Variants in CCND3 observed in about 807,000 individuals in gnomAD.
The protein encoded by CCND3 is cyclin D3.
Under a neutral mutation model 28.7 loss-of-function variants are expected in CCND3, and 9 were observed. That is an observed-to-expected ratio of 0.31 (90% CI 0.19 to 0.55). The LOEUF is 0.55. Ranked by LOEUF, CCND3 falls within the 20% of genes least tolerant of loss-of-function variation. The probability of loss-of-function intolerance (pLI) is 0.93; values close to 1 mark genes in which losing one functional copy is unlikely to be tolerated. For missense variants in CCND3, 315 were observed against 385.8 expected, an observed-to-expected ratio of 0.82 and a Z score of 1.54; for synonymous variants, 164 against 163.9, an observed-to-expected ratio of 1.00 and a Z score of 0.00.
At chr6:41,974,973 T>A (rs1762134823) in intron 1 of CCND3, among the ~76,000 whole-genome samples, 1 of 151,828 alleles carries the variant, frequency 6.6e-6, no homozygotes, top group African/African-American at 2.4e-5. Flanking sequence ...TTGTATTTTT[T>A]AGTAGAGACA....
At chr6:42,045,730 A>G (rs1175542678) in intron 1 of CCND3, among the ~76,000 whole-genome samples, 1 of 152,238 alleles carries the variant, frequency 6.6e-6, no homozygotes, top group Non-Finnish European at 1.5e-5. Flanking sequence ...GAGGATTTAA[A>G]ATTTAAATGT....
intron 1 of CCND3, among the ~76,000 whole-genome samples, chr6:41,992,659 G>A (rs1291959050): frequency 6.6e-6 from 1 of 151,990 alleles, no homozygotes; most frequent in Non-Finnish European, 1.5e-5. Flanking sequence ...ATGTTGGCCA[G>A]GCTGGTCTCG....
At chr6:41,959,429 CAGG>C (rs1761641672) in intron 1 of CCND3, among the ~76,000 whole-genome samples, 1 of 151,982 alleles carries the variant, frequency 6.6e-6, no homozygotes, top group Non-Finnish European at 1.5e-5. Context: ...GCCTGTGAGC[CAGG>C]CCAGCACTTT....
intron 1 of CCND3, among the ~76,000 whole-genome samples, chr6:42,027,746 G>T (rs908177318): frequency 1.2e-4 from 18 of 150,536 alleles, no homozygotes; most frequent in African/African-American, 2.2e-4. Context: ...TTTTTTGTTT[G>T]TTTGTTTGTT....
At chr6:41,993,415 T>C (rs1207450393) in intron 1 of CCND3, among the ~76,000 whole-genome samples, 1 of 147,014 alleles carries the variant, frequency 6.8e-6, no homozygotes, top group African/African-American at 2.5e-5. Flanking sequence ...GTCTTCTTTT[T>C]TTTTTTTTTT....
chr6:41,979,086 G>A (rs1271020172), intron 1 of CCND3, among the ~76,000 whole-genome samples: 2 of 142,728 alleles, frequency 1.4e-5, no homozygotes, highest in African/African-American at 5.2e-5. Context: ...CAGGAGAATC[G>A]CTTGAACCCA....
Position 41,941,306 on chromosome 6 carries a change from G to T in CCND3, c.198+146C>A. 1.1e-5 allele frequency: 16 copies of T among 1,460,464 alleles called. No individual in the cohort carries two copies. Among genetic ancestry groups the T allele is most frequent in the Non-Finnish European group, 1.4e-5 (16 of 1,108,562 alleles). 90.5% of individuals were successfully genotyped at this position (1,460,464 alleles called of 1,614,324 possible). On this transcript the variant is annotated intron_variant, in intron 1 of 4. Transcript: ENST00000372991. This position sits in a 1 kb window ranked among gnomAD's most constrained non-coding sequence, Gnocchi z 6.1. ...GAAAGCAAGGGAGGCAGCTGGCGTG[G>T]GTGCCCTAGTGAAAGGCCAGGCCCC...
At chr6:41,969,343 C>T (rs1761972981) in intron 1 of CCND3, among the ~76,000 whole-genome samples, 1 of 151,962 alleles carries the variant, frequency 6.6e-6, no homozygotes, top group Non-Finnish European at 1.5e-5. Flanking sequence ...TGGTGCAACC[C>T]CATCTCTACT....
rs1256229042 is a variant in CCND3, at chr6:41,941,102, C to T, written c.198+350G>A. On this transcript the variant is annotated intron_variant, in intron 1 of 4. Coordinates refer to ENST00000372991, the MANE Select transcript of CCND3 (RefSeq NM_001760.5). The surrounding 1 kb of genome is among the most constrained non-coding windows in gnomAD (Gnocchi z 6.1). Reference sequence around the variant, plus strand: ...GGCTCCCGGGCGGGGGCGGCCGAGCCCAGGGTTTTCCAGGCGCGCTCTCCG... The same window carrying T: ...GGCTCCCGGGCGGGGGCGGCCGAGCTCAGGGTTTTCCAGGCGCGCTCTCCG... The T allele has an allele frequency of 1.3e-6, 2 of 1,524,738 alleles. No homozygotes were observed. The highest frequency in any genetic ancestry group is 1.8e-6 in the Non-Finnish European group (2 of 1,140,224). 94.5% of individuals were successfully genotyped at this position (1,524,738 alleles called of 1,614,324 possible).
At chr6:41,966,308 C>T (rs1412959160) in intron 1 of CCND3, among the ~76,000 whole-genome samples, 1 of 152,006 alleles carries the variant, frequency 6.6e-6, no homozygotes, top group Non-Finnish European at 1.5e-5. Context: ...GCCTGTAGTC[C>T]CAGTTATAGG....
intron 1 of CCND3, among the ~76,000 whole-genome samples, chr6:42,032,234 T>C (rs1764066210): frequency 6.6e-6 from 1 of 152,158 alleles, no homozygotes; most frequent in Non-Finnish European, 1.5e-5. Flanking sequence ...TGCAGACACA[T>C]GCCACCACAC....
Position 41,941,338 on chromosome 6 carries a change from CTT to C in CCND3, c.198+112_198+113del. The C allele has an allele frequency of 1.3e-6, 2 of 1,510,312 alleles. No homozygotes were observed. The highest frequency in any genetic ancestry group is 2.4e-5 in the East Asian group (1 of 42,150). 93.6% of individuals were successfully genotyped at this position (1,510,312 alleles called of 1,614,324 possible). On this transcript the variant is annotated intron_variant, in intron 1 of 4. Transcript: ENST00000372991. This position sits in a 1 kb window ranked among gnomAD's most constrained non-coding sequence, Gnocchi z 6.1. ...TAGTGAAAGGCCAGGCCCCGGGAGT[CTT>C]AGCCTCGGAGCATCCTGCAGATTGC... is the stretch of plus-strand genomic sequence containing the variant.
intron 1 of CCND3, among the ~76,000 whole-genome samples, chr6:41,984,405 G>A (rs960932926): frequency 2.6e-5 from 4 of 152,202 alleles, no homozygotes; most frequent in Admixed American, 6.5e-5. Flanking sequence ...GGAGTGCAAT[G>A]GCACAATCTC....
chr6:42,019,183 A>T (rs1763622779), intron 1 of CCND3, among the ~76,000 whole-genome samples: 1 of 152,116 alleles, frequency 6.6e-6, no homozygotes, highest in African/African-American at 2.4e-5. Flanking sequence ...AGCATAAAAA[A>T]TGTAAAACAA....
At chr6:42,034,948 T>G (rs1161912950) in intron 1 of CCND3, among the ~76,000 whole-genome samples, 3 of 152,210 alleles carry the variant, frequency 2.0e-5, no homozygotes, top group Non-Finnish European at 4.4e-5. Flanking sequence ...AGTGCTATAT[T>G]TCAAGGTCCA....
chr6:41,941,549 A>T lies in CCND3; in HGVS notation c.101T>A (p.Leu34Gln), dbSNP rs1341839947. 6.3e-7 allele frequency: 1 copy of T among 1,593,232 alleles called. No individual in the cohort carries two copies. The highest frequency in any genetic ancestry group is 2.3e-5 in the East Asian group (1 of 43,898). Reference sequence around the variant, plus strand: ...GGCGCGGGGTACGTAGCGCTCCTCCAGGCGGAGCAGGCTCTGCAGGACACG... The same window carrying T: ...GGCGCGGGGTACGTAGCGCTCCTCCTGGCGGAGCAGGCTCTGCAGGACACG... Reference protein sequence around the residue: ...DQRVLQSLLRLEERYVPRASY... With the variant: ...DQRVLQSLLRQEERYVPRASY... Residue 34 changes from leucine (L) to glutamine (Q), a missense_variant, in exon 1 of 5, where the codon CTG becomes CAG. Leu to Gln is a moderately radical substitution (Grantham distance 113). Transcript: ENST00000372991. This position sits in a 1 kb window ranked among gnomAD's most constrained non-coding sequence, Gnocchi z 6.1.
intron 1 of CCND3, among the ~76,000 whole-genome samples, chr6:42,029,220 G>C (rs1221642886): frequency 2.0e-5 from 3 of 151,768 alleles, no homozygotes; most frequent in Non-Finnish European, 4.4e-5. Flanking sequence ...CGAGTTCCTG[G>C]CCTGAAGAGA....
chr6:41,974,356 G>A (rs140548310), intron 1 of CCND3, among the ~76,000 whole-genome samples: 97 of 152,268 alleles, frequency 6.4e-4, no homozygotes, highest in African/African-American at 2.3e-3. Context: ...TACACCAGAT[G>A]TATAACATCA....
intron 1 of CCND3, among the ~76,000 whole-genome samples, chr6:41,972,642 T>C (rs1055861007): frequency 2.0e-5 from 3 of 152,250 alleles, no homozygotes; most frequent in East Asian, 3.9e-4. Context: ...AGTACTGTGC[T>C]GAGGACTCAG....
Sources: allele counts gnomAD v4.1 joint callset (sites outside exome capture counted in the v4.1 genomes callset), GRCh38; gene constraint gnomAD v4.1.1; non-coding constraint Gnocchi (gnomAD v3.1); transcripts MANE v1.5; gene names NCBI Gene and HGNC (gene_info 2026-07-23, HGNC 2026-07-21).